Variants in FAM131B observed in about 807,000 individuals in gnomAD.
FAM131B encodes the protein family with sequence similarity 131 member B.
In FAM131B, 19 loss-of-function variants were observed where a neutral mutation model predicts 42.0. That is an observed-to-expected ratio of 0.45 (90% CI 0.32 to 0.66). The LOEUF is 0.66. Ranked by LOEUF, FAM131B falls within the 30% of genes least tolerant of loss-of-function variation. FAM131B has a pLI of 0.05. For missense variants in FAM131B, 370 were observed against 468.4 expected, an observed-to-expected ratio of 0.79 and a Z score of 1.94; for synonymous variants, 183 against 177.6, an observed-to-expected ratio of 1.03 and a Z score of -0.24.
At chr7:143,364,885 C>A (rs566163288), upstream of FAM131B, among the ~76,000 whole-genome samples, 1 of 152,206 alleles carries the variant, frequency 6.6e-6, no homozygotes, top group Admixed American at 6.5e-5. Context: ...GGGGCTTAAC[C>A]CCCAAATAAA....
At chr7:143,365,066 A>AT (rs1563099277), upstream of FAM131B, among the ~76,000 whole-genome samples, 5 of 152,224 alleles carry the variant, frequency 3.3e-5, no homozygotes, top group Middle Eastern at 3.2e-3. Context: ...CTTTTATTTT[A>AT]TTGGGATATA....
rs1563094662 is a variant in FAM131B at position 143,356,556 on chromosome 7, G to A, written c.1077C>T (p.Asn359=). The change falls in exon 7 of 7, where the codon AAC becomes AAT. Residue 359 remains asparagine (N), a synonymous_variant. Transcript: ENST00000443739. The surrounding 1 kb of genome is among the most constrained non-coding windows in gnomAD (Gnocchi z 4.4). ...AGGGCATTGGGGGAGGAAACTAGTT[G>A]TTGGCCTCGCCTTCCTCCTCATCAA... ...QSFDEEEGEA[N]N is the part of the protein sequence containing the mutation. 1.4e-5 allele frequency: 22 copies of A among 1,610,582 alleles called. No homozygotes were observed. The highest frequency in any genetic ancestry group is 1.9e-5 in the Non-Finnish European group (22 of 1,177,184).
chr7:143,379,164 T>C, the FAM131B span, among the ~76,000 whole-genome samples: 1 of 152,214 alleles, frequency 6.6e-6, no homozygotes, highest in African/African-American at 2.4e-5. Flanking sequence ...AGAGGGTAGA[T>C]AGCTTTTATT....
the FAM131B span, among the ~76,000 whole-genome samples, chr7:143,376,057 G>A: frequency 2.0e-5 from 3 of 152,156 alleles, no homozygotes; most frequent in African/African-American, 7.2e-5. Flanking sequence ...CCAGCCCTTG[G>A]GATGAGGGGA....
rs1175363947 is a variant in FAM131B, at chr7:143,359,996, A to C, written c.138+44T>G. On this transcript the variant is annotated intron_variant, in intron 2 of 6. Transcript: ENST00000443739. The surrounding 1 kb of genome is among the most constrained non-coding windows in gnomAD (Gnocchi z 5.4). Reference sequence around the variant, plus strand: ...TGGGTTGTTGCCTTGGAATTGAGGAAGTGCAGGCAGCCAGAGACTTGGGGT... The same window carrying C: ...TGGGTTGTTGCCTTGGAATTGAGGACGTGCAGGCAGCCAGAGACTTGGGGT... 7.0e-7 allele frequency: 1 copy of C among 1,418,956 alleles called. No homozygotes were observed. Among genetic ancestry groups the C allele is most frequent in the Non-Finnish European group, 9.9e-7 (1 of 1,006,144 alleles). The allele number at this position is 1,418,956 out of a possible 1,614,324, so 87.9% of individuals were successfully genotyped here.
Position 143,356,417 on chromosome 7 carries a change from G to A in FAM131B, c.*133C>T, listed in dbSNP as rs1354507921. On this transcript the variant is annotated 3_prime_UTR_variant, in exon 7 of 7. Transcript: ENST00000443739. This position sits in a 1 kb window ranked among gnomAD's most constrained non-coding sequence, Gnocchi z 4.4. ...TCCCATCCTGGTCCTCCATTTCCAG[G>A]AGAGGACTGGAAGCTCCTGGGTTCC... The A allele has an allele frequency of 3.0e-6, 2 of 656,348 alleles. No individual in the cohort carries two copies. The highest frequency in any genetic ancestry group is 2.6e-5 in the East Asian group (1 of 38,034). 40.7% of individuals were successfully genotyped at this position (656,348 alleles called of 1,614,324 possible).
intron 1 of FAM131B, chr7:143,361,699 CA>C (rs1290897725): frequency 6.6e-6 from 1 of 151,062 alleles, no homozygotes; most frequent in African/African-American, 2.4e-5. Flanking sequence ...GGGTGGGGGT[CA>C]GGGGCGGTAG....
In FAM131B at chr7:143,355,080, G is replaced by A. The variant is rs753627570; in HGVS notation, c.*1470C>T. 2 of 152,384 alleles carry A rather than the reference G, an allele frequency of 1.3e-5. No homozygotes were observed. Among genetic ancestry groups the A allele is most frequent in the Non-Finnish European group, 2.9e-5 (2 of 68,212 alleles). The allele number at this position is 152,384 out of a possible 1,614,324, so 9.4% of individuals were successfully genotyped here. A position where few individuals can be genotyped will look rare whatever the true frequency, so the allele number is the denominator to read the frequency against. ...AAGGGCGTGAGGAAAGAAGGAGATA[G>A]GGCAGTGAGCCTCTTAGGCCTCTCT... On this transcript the variant is annotated 3_prime_UTR_variant, in exon 7 of 7. Transcript: ENST00000443739. The surrounding 1 kb of genome is among the most constrained non-coding windows in gnomAD (Gnocchi z 4.1).
upstream of FAM131B, among the ~76,000 whole-genome samples, chr7:143,364,605 T>C (rs1804137620): frequency 6.6e-6 from 1 of 152,222 alleles, no homozygotes; most frequent in African/African-American, 2.4e-5. Flanking sequence ...TTCCAGGTCT[T>C]GGAGACTCAG....
At chr7:143,365,726 A>C (rs1018093788), upstream of FAM131B, among the ~76,000 whole-genome samples, 1 of 152,054 alleles carries the variant, frequency 6.6e-6, no homozygotes, top group African/African-American at 2.4e-5. Context: ...TCTGCCTCCC[A>C]AGCAGATGGA....
chr7:143,362,985 A>G (rs1166051675), upstream of FAM131B, among the ~76,000 whole-genome samples: 1 of 151,638 alleles, frequency 6.6e-6, no homozygotes, highest in African/African-American at 2.4e-5. The surrounding 1 kb of genome is among the most constrained non-coding windows in gnomAD (Gnocchi z 7.7). Context: ...CTCCTGGAGA[A>G]CCCCGGCTTG....
chr7:143,379,063 AC>A, the FAM131B span, among the ~76,000 whole-genome samples: 2 of 152,296 alleles, frequency 1.3e-5, no homozygotes, highest in East Asian at 3.9e-4. Flanking sequence ...CTGCCTACGC[AC>A]TCTTCTATTT....
chr7:143,364,687 T>C (rs943578318), upstream of FAM131B, among the ~76,000 whole-genome samples: 6 of 152,136 alleles, frequency 3.9e-5, no homozygotes, highest in African/African-American at 1.4e-4. Context: ...AGTAAAATAT[T>C]CTAGGCATAT....
the FAM131B span, among the ~76,000 whole-genome samples, chr7:143,374,591 C>T: frequency 6.6e-6 from 1 of 152,194 alleles, no homozygotes; most frequent in East Asian, 1.9e-4. Flanking sequence ...TTCCCCATTG[C>T]TCTCAGGATC....
the FAM131B span, chr7:143,381,265 T>G: frequency 9.5e-7 from 1 of 1,048,130 alleles, no homozygotes; most frequent in Non-Finnish European, 1.2e-6. Flanking sequence ...CGCCGCTCTC[T>G]CCCCGCCCCC....
chr7:143,356,663 G>T lies in FAM131B; in HGVS notation c.970C>A (p.Leu324Ile). ...EDAGCRDLES[L>I]SPREDPEMST... ...ATCTCAGGGTCTTCTCGTGGGGAAAGTGACTCCAGGTCCCGGCATCCCGCA... is the reference window on the plus strand; with the variant it reads ...ATCTCAGGGTCTTCTCGTGGGGAAATTGACTCCAGGTCCCGGCATCCCGCA... Residue 324 changes from leucine (L) to isoleucine (I), a missense_variant, in exon 7 of 7, where the codon CTT becomes ATT. By Grantham distance (5) the Leu-to-Ile change is conservative (BLOSUM62 2). Transcript: ENST00000443739. The surrounding 1 kb of genome is among the most constrained non-coding windows in gnomAD (Gnocchi z 4.4). 6.2e-7 allele frequency: 1 copy of T among 1,614,112 alleles called. No homozygotes were observed. Among genetic ancestry groups the T allele is most frequent in the Non-Finnish European group, 8.5e-7 (1 of 1,180,016 alleles).
At chr7:143,367,670 A>G (rs1463759131), upstream of FAM131B, among the ~76,000 whole-genome samples, 1 of 151,934 alleles carries the variant, frequency 6.6e-6, no homozygotes, top group Non-Finnish European at 1.5e-5. Flanking sequence ...ACGCCACTAT[A>G]CTCTAGCCTG....
In FAM131B at chr7:143,359,723, T is replaced by G; in HGVS notation, c.174+9A>C. On this transcript the variant is annotated intron_variant, in intron 3 of 6. Transcript: ENST00000443739. This position sits in a 1 kb window ranked among gnomAD's most constrained non-coding sequence, Gnocchi z 5.4. The stretch of plus-strand genomic sequence containing the variant: ...GAGGATGGGGAGGTCTGGGGGCAGC[T>G]GCACTCACGTTGATGCCGTCCCAGG... 6.4e-7 allele frequency: 1 copy of G among 1,568,882 alleles called. No homozygotes were observed. Among genetic ancestry groups the G allele is most frequent in the Non-Finnish European group, 8.7e-7 (1 of 1,156,042 alleles).
the FAM131B span, among the ~76,000 whole-genome samples, chr7:143,370,573 C>T: frequency 6.6e-6 from 1 of 152,178 alleles, no homozygotes; most frequent in Non-Finnish European, 1.5e-5. Context: ...ACCGAAATGG[C>T]GACGAGAGTA....
Sources: gnomAD v4.1 joint callset for allele counts (sites outside exome capture counted in the v4.1 genomes callset) on GRCh38, gnomAD v4.1.1 for gene constraint, Gnocchi (gnomAD v3.1) non-coding constraint, MANE v1.5 for transcripts, NCBI Gene and HGNC (gene_info 2026-07-23, HGNC 2026-07-21) for gene names.